CEP85: variants seen among roughly 807,000 people sequenced by gnomAD.
CEP85 encodes the protein centrosomal protein of 85 kDa.
A neutral mutation model predicts 93.7 loss-of-function variants in CEP85; 58 were observed. That is an observed-to-expected ratio of 0.62 (90% CI 0.50 to 0.77). CEP85 has a LOEUF of 0.77. CEP85 is among the 30% of genes least tolerant of loss of function. The pLI is 0.00. For missense variants in CEP85, 868 were observed against 922.0 expected, an observed-to-expected ratio of 0.94 and a Z score of 0.76; for synonymous variants, 314 against 338.6, an observed-to-expected ratio of 0.93 and a Z score of 0.80.
chr1:26,252,233 T>G (rs2124576862), intron 3 of CEP85, among the ~76,000 whole-genome samples: 1 of 129,454 alleles, frequency 7.7e-6, no homozygotes, highest in Admixed American at 8.1e-5. Flanking sequence ...AGACCCCATC[T>G]CAAAAAAGAA....
At chr1:26,256,693 A>G (rs1211885914) in intron 4 of CEP85, among the ~76,000 whole-genome samples, 5 of 145,446 alleles carry the variant, frequency 3.4e-5, no homozygotes, top group African/African-American at 1.3e-4. Flanking sequence ...CTACCTCCCA[A>G]GGTCAAGTGA....
intron 2 of CEP85, among the ~76,000 whole-genome samples, chr1:26,243,197 A>G (rs917943419): frequency 6.7e-5 from 10 of 149,530 alleles, no homozygotes; most frequent in African/African-American, 2.2e-4. Context: ...CAGTGGCGCA[A>G]TCTTTGCTCA....
chr1:26,261,426 C>G (rs139357523), intron 7 of CEP85, among the ~76,000 whole-genome samples: 1 of 151,862 alleles, frequency 6.6e-6, no homozygotes, highest in Non-Finnish European at 1.5e-5. Context: ...GAGGCAAGAT[C>G]GCTCCATTGC....
chr1:26,252,220 G>C (rs181579736), intron 3 of CEP85, among the ~76,000 whole-genome samples: 2 of 140,054 alleles, frequency 1.4e-5, no homozygotes, highest in Non-Finnish European at 1.5e-5. Context: ...AACAGAGTGA[G>C]TGAGACCCCA....
chr1:26,245,948 C>A (rs936936979), intron 3 of CEP85, among the ~76,000 whole-genome samples: 2 of 151,294 alleles, frequency 1.3e-5, no homozygotes, highest in Non-Finnish European at 2.9e-5. Context: ...GAGTTTGAGA[C>A]TAGCCTGGGC....
At chr1:26,245,780 AT>A (rs1475045444) in intron 3 of CEP85, among the ~76,000 whole-genome samples, 1 of 152,132 alleles carries the variant, frequency 6.6e-6, no homozygotes, top group Non-Finnish European at 1.5e-5. Flanking sequence ...TTTCAAAGTG[AT>A]TGAATGAGTT....
chr1:26,261,335 G>A (rs2124592284), intron 7 of CEP85, among the ~76,000 whole-genome samples: 1 of 151,948 alleles, frequency 6.6e-6, no homozygotes, highest in Non-Finnish European at 1.5e-5. Flanking sequence ...AGCTGGGCGT[G>A]GTGGCACATG....
At chr1:26,256,298 C>A (rs1199189191) in intron 4 of CEP85, among the ~76,000 whole-genome samples, 1 of 152,100 alleles carries the variant, frequency 6.6e-6, no homozygotes, top group African/African-American at 2.4e-5. Context: ...ATAATCCCAG[C>A]ATTTTGGGAG....
intron 12 of CEP85, among the ~76,000 whole-genome samples, chr1:26,275,512 C>A (rs779680304): frequency 6.0e-4 from 91 of 152,144 alleles, no homozygotes; most frequent in Non-Finnish European, 1.1e-3. Flanking sequence ...ATCTCCTGAC[C>A]TTGTGATCCG....
At position 26,255,282 on chromosome 1, in the gene CEP85, A is replaced by G; in HGVS notation, c.320A>G (p.Asn107Ser). 1 of 1,614,128 alleles carries G rather than the reference A, an allele frequency of 6.2e-7. No individual in the cohort carries two copies. The highest frequency in any genetic ancestry group is 8.5e-7 in the Non-Finnish European group (1 of 1,180,026). The part of the protein sequence containing the change: ...STLGTSPAKP[N>S]STPVGPSSSK... ...TTAGGGACCTCTCCTGCCAAGCCAA[A>G]TTCTACACCTGTTGGACCCTCTTCC... The change falls in exon 4 of 14, where the codon AAT (asparagine) becomes AGT (serine). Residue 107 changes from asparagine (N) to serine (S), a missense_variant. Transcript: ENST00000451429.
chr1:26,244,044 C>A, intron 2 of CEP85, 122 bp from the exon 3 acceptor site: 6 of 706,506 alleles, frequency 8.5e-6, no homozygotes, highest in South Asian at 5.1e-5. Context: ...GAAATAGGCA[C>A]AGGAGAGAGA....
Position 26,272,291 on chromosome 1 carries a change from G to A in CEP85, c.1794+220G>A, listed in dbSNP as rs1428623243. On this transcript the variant is annotated intron_variant, in intron 11 of 13. Coordinates refer to ENST00000451429, the MANE Select transcript of CEP85 (RefSeq NM_001319944.2). ...AGAGCAGTCCCCACAGTATCCTGGG[G>A]GAGTGCAGGAGAGTCAGTGGGAGGA... The A allele has an allele frequency of 2.6e-5, 14 of 542,724 alleles. No homozygotes were observed. The East Asian group carries it at 3.8e-4, about 15-fold the overall frequency. 33.6% of individuals were successfully genotyped at this position (542,724 alleles called of 1,614,324 possible). A position where few individuals can be genotyped will look rare whatever the true frequency, so the allele number is the denominator to read the frequency against.
At chr1:26,254,729 C>T (rs1486600592) in intron 3 of CEP85, 1 of 169,858 alleles carries the variant, frequency 5.9e-6, no homozygotes, top group African/African-American at 2.4e-5. Flanking sequence ...TTGGAGGTCG[C>T]AGAAGATTCT....
At position 26,257,708 on chromosome 1, in the gene CEP85, G is replaced by A; in HGVS notation, c.1015G>A (p.Glu339Lys). 1 of 1,613,982 alleles carries A rather than the reference G, an allele frequency of 6.2e-7. No homozygotes were observed. The highest frequency in any genetic ancestry group is 8.5e-7 in the Non-Finnish European group (1 of 1,179,970). ...ILNSNEHLLKEKELLIDKQRK... is the reference protein window; with the variant it reads ...ILNSNEHLLKKKELLIDKQRK... ...GAACAGTAATGAACACCTTCTGAAG[G>A]AAAAAGAGCTTCTCATTGACAAGTA... Residue 339 changes from glutamate to lysine, a missense_variant, in exon 5 of 14, where the codon GAA (glutamate) becomes AAA (lysine). Physicochemically the swap from Glu to Lys is moderately conservative, Grantham distance 56 (BLOSUM62 1). Coordinates refer to ENST00000451429, the MANE Select transcript of CEP85 (RefSeq NM_001319944.2).
chr1:26,271,800 T>C (rs1223511867), intron 10 of CEP85: 1 of 568,410 alleles, frequency 1.8e-6, no homozygotes, highest in African/African-American at 1.9e-5. Context: ...TCACACTACA[T>C]TCCTGTATAA....
intron 6 of CEP85, among the ~76,000 whole-genome samples, 193 bp downstream of exon 6, chr1:26,258,453 G>A (rs1321814246): frequency 6.6e-6 from 1 of 152,146 alleles, no homozygotes; most frequent in Non-Finnish European, 1.5e-5. Flanking sequence ...TAAGAACCAG[G>A]TGAAAGTCCA....
intron 3 of CEP85, among the ~76,000 whole-genome samples, chr1:26,254,405 A>G (rs2089664338): frequency 6.6e-6 from 1 of 151,558 alleles, no homozygotes; most frequent in Non-Finnish European, 1.5e-5. Context: ...AAGGAAACAC[A>G]AATTCAGTCT....
At chr1:26,273,328 G>A (rs1002424007) in intron 11 of CEP85, among the ~76,000 whole-genome samples, 2 of 152,134 alleles carry the variant, frequency 1.3e-5, no homozygotes, top group African/African-American at 2.4e-5. Context: ...AAATGCACTC[G>A]TTTTGAGGGA....
At chr1:26,273,467 A>G (rs1260514853) in intron 11 of CEP85, among the ~76,000 whole-genome samples, 1 of 152,156 alleles carries the variant, frequency 6.6e-6, no homozygotes, top group Non-Finnish European at 1.5e-5. Flanking sequence ...CCCATTTAAA[A>G]TCCCAGGTTT....
Sources: allele counts gnomAD v4.1 joint callset (sites outside exome capture counted in the v4.1 genomes callset), GRCh38; gene constraint gnomAD v4.1.1; transcripts MANE v1.5; gene names NCBI Gene and HGNC (gene_info 2026-07-23, HGNC 2026-07-21).